The following TOM1 variants were observed in gnomAD, a reference collection of about 807,000 sequenced individuals.
TOM1 encodes the protein target of myb1 membrane trafficking protein, also known as target of Myb protein 1.
TOM1 carries 38 observed loss-of-function variants against 61.3 expected under a neutral mutation model. The observed-to-expected ratio is 0.62, with a 90% CI of 0.48 to 0.81. The LOEUF (loss-of-function observed/expected upper bound fraction) is 0.81, where lower values mean the gene tolerates loss of function less well. Ranked by LOEUF, TOM1 falls within the 40% of genes least tolerant of loss-of-function variation. TOM1 has a pLI of 0.00. For synonymous variants in TOM1, 270 were observed against 268.8 expected (o/e 1.00, Z -0.04); for missense variants, 591 against 659.6 (o/e 0.90, Z 1.14).
At position 35,323,551 on chromosome 22, in the gene TOM1, A is replaced by G; in HGVS notation, c.422A>G (p.Tyr141Cys). ...SPDLTGVVTI[Y>C]EDLRRKGLEF... ...GATCTGACAGGTGTGGTCACCATCTATGAGGACCTGCGGAGGAAAGGCCTG... is the reference window on the plus strand; with the variant it reads ...GATCTGACAGGTGTGGTCACCATCTGTGAGGACCTGCGGAGGAAAGGCCTG... Residue 141 changes from tyrosine (Y) to cysteine (C), a missense_variant, in exon 5 of 15, where the codon TAT becomes TGT. Transcript: ENST00000449058. The surrounding 1 kb of genome is among the most constrained non-coding windows in gnomAD (Gnocchi z 4.2). 2 of 1,614,070 alleles carry G rather than the reference A, an allele frequency of 1.2e-6. No homozygotes were observed. The highest frequency in any genetic ancestry group is 1.7e-6 in the Non-Finnish European group (2 of 1,180,016).
At chr22:35,330,623 C>T in intron 8 of TOM1, 143 bp downstream of exon 8, 1 of 819,266 alleles carries the variant, frequency 1.2e-6, no homozygotes, top group Non-Finnish European at 1.9e-6. Flanking sequence ...GGGCCTGTGC[C>T]CTCAGCTGTC....
At chr22:35,340,634 C>G (rs1929794679) in intron 12 of TOM1, among the ~76,000 whole-genome samples, 1 of 152,156 alleles carries the variant, frequency 6.6e-6, no homozygotes, top group Admixed American at 6.5e-5. Flanking sequence ...TTAGTCCCAG[C>G]TACTCAGGAG....
At chr22:35,332,480 A>G (rs1236342892) in intron 8 of TOM1, among the ~76,000 whole-genome samples, 2 of 152,030 alleles carry the variant, frequency 1.3e-5, no homozygotes, top group African/African-American at 4.8e-5. Flanking sequence ...ACTTGAACAG[A>G]CCCCACACTA....
intron 1 of TOM1, among the ~76,000 whole-genome samples, chr22:35,300,912 T>C (rs1925705714): frequency 6.6e-6 from 1 of 151,830 alleles, no homozygotes; most frequent in African/African-American, 2.4e-5. Context: ...AAAACAGTTG[T>C]AATATTTATT....
intron 11 of TOM1, among the ~76,000 whole-genome samples, chr22:35,335,056 T>C (rs1929184478): frequency 6.6e-6 from 1 of 152,134 alleles, no homozygotes; most frequent in South Asian, 2.1e-4. Flanking sequence ...TTCAGCAGCA[T>C]AGGCACGTGG....
intron 1 of TOM1, among the ~76,000 whole-genome samples, chr22:35,313,947 T>G (rs1185685419): frequency 6.6e-6 from 1 of 152,240 alleles, no homozygotes; most frequent in Non-Finnish European, 1.5e-5. Flanking sequence ...GGGAATCAGT[T>G]GTCATTCTCT....
Position 35,321,972 on chromosome 22 carries a change from C to T in TOM1, c.151C>T (p.Leu51Phe), listed in dbSNP as rs1927831317. The T allele has an allele frequency of 6.2e-7, 1 of 1,614,052 alleles. No homozygotes were observed. The highest frequency in any genetic ancestry group is 8.5e-7 in the Non-Finnish European group (1 of 1,180,022). Reference protein sequence around the residue: ...NETEEGPKDALRAVKKRIVGN... With the variant: ...NETEEGPKDAFRAVKKRIVGN... ...TGTCCTCCTTAGTCCCAAAGATGCC[C>T]TCCGAGCAGTAAAGAAGAGAATCGT... Residue 51 changes from leucine to phenylalanine, a missense_variant, in exon 3 of 15, where the codon CTC (leucine) becomes TTC (phenylalanine). Coordinates refer to ENST00000449058, the MANE Select transcript of TOM1 (RefSeq NM_005488.3).
Position 35,332,923 on chromosome 22 carries a change from C to T in TOM1, c.900-58C>T, listed in dbSNP as rs1226618157. ...CACAGTTTGAAAAGCTCTGCCTGGCCGTGTGTGGGGGCCTGTCTCAGTCTG... is the reference window on the plus strand; with the variant it reads ...CACAGTTTGAAAAGCTCTGCCTGGCTGTGTGTGGGGGCCTGTCTCAGTCTG... On this transcript the variant is annotated intron_variant, in intron 8 of 14. Transcript: ENST00000449058. 1.0e-5 allele frequency: 16 copies of T among 1,572,008 alleles called. No individual in the cohort carries two copies. The East Asian group carries it at 2.2e-4, about 22-fold the overall frequency.
chr22:35,310,776 G>A (rs1227570038), intron 1 of TOM1, among the ~76,000 whole-genome samples: 1 of 152,218 alleles, frequency 6.6e-6, no homozygotes, highest in Non-Finnish European at 1.5e-5. Context: ...TAGACAGTTA[G>A]TCCATTTGTG....
At chr22:35,299,746 T>G (rs1925535285), upstream of TOM1, 4 of 666,302 alleles carry the variant, frequency 6.0e-6, no homozygotes, top group African/African-American at 1.9e-5. Context: ...AGTGAGGTCA[T>G]CGCCCTCCGC....
chr22:35,328,156 G>A (rs912894135), intron 7 of TOM1, among the ~76,000 whole-genome samples: 3 of 152,328 alleles, frequency 2.0e-5, no homozygotes, highest in African/African-American at 4.8e-5. Context: ...GTGCCTGACC[G>A]AGCTGACTCT....
Position 35,321,382 on chromosome 22 carries a change from C to A in TOM1, c.138-577C>A, listed in dbSNP as rs13058668. Among the ~76,000 whole-genome samples the A allele has an allele frequency of 6.0e-3, 916 of 151,508 alleles. 6 individuals are homozygous for A. The highest frequency in any genetic ancestry group is 9.5e-3 in the Admixed American group (144 of 15,206). On this transcript the variant is annotated intron_variant, in intron 2 of 14. Transcript: ENST00000449058. The stretch of plus-strand genomic sequence containing the variant: ...GTCCTTTGTTTTTTTGAGACAGGGT[C>A]TCACTCTGTCGCCCAGGCTGGAGTA...
intron 1 of TOM1, among the ~76,000 whole-genome samples, chr22:35,316,884 C>T (rs528396424): frequency 6.6e-6 from 1 of 152,160 alleles, no homozygotes; most frequent in Non-Finnish European, 1.5e-5. Context: ...GTGCTGGTAC[C>T]TTGCATGAAT....
chr22:35,312,699 G>A (rs904128948), intron 1 of TOM1, among the ~76,000 whole-genome samples: 2 of 152,230 alleles, frequency 1.3e-5, no homozygotes, highest in African/African-American at 4.8e-5. Flanking sequence ...TGCCAGATGA[G>A]CATGTGAACT....
intron 1 of TOM1, among the ~76,000 whole-genome samples, chr22:35,313,416 G>A (rs532686081): frequency 2.6e-4 from 40 of 152,020 alleles, no homozygotes; most frequent in African/African-American, 8.9e-4. Context: ...GTGGTGTGGC[G>A]TGTCTTTGGT....
rs569825727 is a variant in TOM1, at chr22:35,318,052, G to C, written c.137+91G>C. ...ACCCTTCCAGGGAGCCCCTGCCCCA[G>C]CCCCATTGCTGCCATAGCCACCAAG... On this transcript the variant is annotated intron_variant, in intron 2 of 14. Transcript: ENST00000449058. 4.9e-4 allele frequency: 574 copies of C among 1,178,204 alleles called. 2 individuals are homozygous for C. The African/African-American group carries it at 8.1e-3, about 17-fold the overall frequency. The allele number at this position is 1,178,204 out of a possible 1,614,324, so 73.0% of individuals were successfully genotyped here. A position where few individuals can be genotyped will look rare whatever the true frequency, so the allele number is the denominator to read the frequency against.
chr22:35,305,696 T>G (rs1194436555), intron 1 of TOM1, among the ~76,000 whole-genome samples: 1 of 150,050 alleles, frequency 6.7e-6, no homozygotes, highest in African/African-American at 2.4e-5. Context: ...TGGGGAGGAC[T>G]GATAGAACTG....
rs140449290 is a variant in TOM1 at position 35,332,217 on chromosome 22, C to T, written c.900-764C>T. Among the ~76,000 whole-genome samples the T allele has an allele frequency of 2.7e-3, 417 of 152,282 alleles. 2 individuals are homozygous for T. The highest frequency in any genetic ancestry group is 4.1e-3 in the Non-Finnish European group (279 of 68,032). ...GGCCCAGTGGAATGAAAGGCCTCTT[C>T]CCTGCCATTTTGGGGTATGGGCTGT... On this transcript the variant is annotated intron_variant, in intron 8 of 14. Coordinates refer to ENST00000449058, the MANE Select transcript of TOM1 (RefSeq NM_005488.3).
chr22:35,304,695 G>A (rs1289309626), intron 1 of TOM1, among the ~76,000 whole-genome samples: 4 of 152,162 alleles, frequency 2.6e-5, no homozygotes, highest in Non-Finnish European at 5.9e-5. Flanking sequence ...AGCCAGGATG[G>A]TCTCGATCTC....
Sources: allele counts gnomAD v4.1 joint callset (sites outside exome capture counted in the v4.1 genomes callset), GRCh38; gene constraint gnomAD v4.1.1; non-coding constraint Gnocchi (gnomAD v3.1); transcripts MANE v1.5; gene names NCBI Gene and HGNC (gene_info 2026-07-23, HGNC 2026-07-21).